The following CACNG7 variants were observed in gnomAD, a reference collection of about 807,000 sequenced individuals.
CACNG7 encodes voltage-dependent calcium channel gamma-7 subunit.
Under a neutral mutation model 26.3 loss-of-function variants are expected in CACNG7, and 9 were observed. The ratio of observed to expected loss-of-function variants is 0.34; its 90% confidence interval spans 0.21 to 0.60. The LOEUF (loss-of-function observed/expected upper bound fraction) is 0.60, where lower values mean the gene tolerates loss of function less well. CACNG7 is among the 20% of genes least tolerant of loss of function. The probability of loss-of-function intolerance (pLI) is 0.81; values close to 1 mark genes in which losing one functional copy is unlikely to be tolerated. For synonymous variants in CACNG7, 170 were observed against 157.0 expected, an observed-to-expected ratio of 1.08 and a Z score of -0.62; for missense variants, 297 against 380.4, an observed-to-expected ratio of 0.78 and a Z score of 1.82.
At chr19:53,934,360 C>T (rs977063752) in intron 4 of CACNG7, among the ~76,000 whole-genome samples, 6 of 152,202 alleles carry the variant, frequency 3.9e-5, no homozygotes, top group Admixed American at 6.5e-5. Context: ...CTTTGTATCA[C>T]GTTACTCCAG....
chr19:53,914,161 C>A (rs1219959384), intron 2 of CACNG7, among the ~76,000 whole-genome samples: 1 of 151,836 alleles, frequency 6.6e-6, no homozygotes, highest in Non-Finnish European at 1.5e-5. Flanking sequence ...GTAGTCCCAG[C>A]TACTCAGGAG....
intron 4 of CACNG7, among the ~76,000 whole-genome samples, chr19:53,917,286 T>C (rs1011933048): frequency 6.6e-6 from 1 of 152,178 alleles, no homozygotes; most frequent in African/African-American, 2.4e-5. Context: ...TTCAACATAA[T>C]TTAATTAAAC....
intron 4 of CACNG7, among the ~76,000 whole-genome samples, chr19:53,921,681 TG>T (rs2068955226): frequency 9.4e-6 from 1 of 106,442 alleles, no homozygotes; most frequent in South Asian, 3.0e-4. Context: ...TGGTCATTGG[TG>T]GACTTGCCCC....
intron 4 of CACNG7, among the ~76,000 whole-genome samples, chr19:53,921,260 C>T (rs1206058762): frequency 3.0e-5 from 4 of 135,212 alleles, no homozygotes; most frequent in Admixed American, 7.0e-5. Flanking sequence ...TGGAGTTGCC[C>T]CAGGTCTGGT....
intron 4 of CACNG7, among the ~76,000 whole-genome samples, chr19:53,930,243 C>T (rs1356630713): frequency 1.3e-5 from 2 of 150,574 alleles, no homozygotes; most frequent in African/African-American, 4.9e-5. Context: ...GAGTCTCACT[C>T]TGTCACCCAG....
intron 2 of CACNG7, among the ~76,000 whole-genome samples, chr19:53,914,273 C>CAAAAAAAAAAAAAAAAAAAAA (rs376053657): frequency 1.9e-5 from 2 of 107,292 alleles, no homozygotes; most frequent in Admixed American, 9.4e-5. Context: ...GACTCCATCT[C>CAAAAAAAAAAAAAAAAAAAAA]AAAAAAAAAA....
At position 53,921,606 on chromosome 19, in the gene CACNG7, T is replaced by G. The variant is rs192673989; in HGVS notation, c.424+6101T>G. ...CCAGGTCTGGTCATTGGTGGAGTCG[T>G]CCCCAGGTCTGGTCATTGGTGGAGT... On this transcript the variant is annotated intron_variant, in intron 4 of 5. Coordinates refer to ENST00000391767, the MANE Select transcript of CACNG7 (RefSeq NM_031896.5). Among the ~76,000 whole-genome samples, 215 of 67,450 alleles carry G rather than the reference T, an allele frequency of 3.2e-3. 3 individuals are homozygous for G. Among genetic ancestry groups the G allele is most frequent in the African/African-American group, 0.012 (86 of 7,432 alleles). The allele number at this position is 67,450 out of a possible 152,430, so 44.2% of individuals were successfully genotyped here. A position where few individuals can be genotyped will look rare whatever the true frequency, so the allele number is the denominator to read the frequency against.
intron 4 of CACNG7, among the ~76,000 whole-genome samples, chr19:53,926,517 G>C (rs1271128390): frequency 2.0e-5 from 3 of 151,936 alleles, no homozygotes; most frequent in African/African-American, 7.3e-5. Flanking sequence ...CCTTACCCTG[G>C]CGATACTATC....
chr19:53,922,449 C>T (rs1449422395), intron 4 of CACNG7, among the ~76,000 whole-genome samples: 6 of 122,542 alleles, frequency 4.9e-5, no homozygotes, highest in Non-Finnish European at 1.0e-4. Context: ...GTGGAGTTGT[C>T]CCAGGCTGGT....
chr19:53,929,601 C>T (rs956626867), intron 4 of CACNG7, among the ~76,000 whole-genome samples: 12 of 151,966 alleles, frequency 7.9e-5, no homozygotes, highest in African/African-American at 2.4e-4. Context: ...GGATTACAGG[C>T]GCCCGCCACC....
chr19:53,916,706 G>A (rs1183251566), intron 4 of CACNG7, among the ~76,000 whole-genome samples: 6 of 144,182 alleles, frequency 4.2e-5, no homozygotes, highest in East Asian at 4.1e-4. Context: ...CTTCATGTTC[G>A]TCAGGCTGGT....
chr19:53,924,342 G>T (rs1215992456), intron 4 of CACNG7, among the ~76,000 whole-genome samples: 1 of 147,150 alleles, frequency 6.8e-6, no homozygotes, highest in East Asian at 2.1e-4. Context: ...CTTGCCGCAG[G>T]TCTGGTCATT....
At chr19:53,919,956 G>A (rs1186704950) in intron 4 of CACNG7, among the ~76,000 whole-genome samples, 1 of 126,848 alleles carries the variant, frequency 7.9e-6, no homozygotes, top group East Asian at 2.5e-4. Flanking sequence ...AGTTGCCCCA[G>A]GTCTGGTCAT....
rs543979895 is a variant in CACNG7 at position 53,923,589 on chromosome 19, A to G, written c.424+8084A>G. ...TTGGTGGAGTTGTCCCAGGCTGGTC[A>G]TTGGTGGAGTTGCCCCAGGTCTGGT... is the stretch of plus-strand genomic sequence containing the variant. On this transcript the variant is annotated intron_variant, in intron 4 of 5. Transcript: ENST00000391767. Among the ~76,000 whole-genome samples the G allele has an allele frequency of 1.1e-3, 134 of 118,104 alleles. 1 individual carries two copies. The highest frequency in any genetic ancestry group is 4.3e-3 in the African/African-American group (131 of 30,620). The allele number at this position is 118,104 out of a possible 152,430, so 77.5% of individuals were successfully genotyped here.
In CACNG7 at chr19:53,912,702, G is replaced by C; in HGVS notation, c.-29-101G>C. 1 of 896,734 alleles carries C rather than the reference G, an allele frequency of 1.1e-6. No homozygotes were observed. The highest frequency in any genetic ancestry group is 1.8e-6 in the Non-Finnish European group (1 of 569,046). 55.5% of individuals were successfully genotyped at this position (896,734 alleles called of 1,614,324 possible). On this transcript the variant is annotated intron_variant, in intron 1 of 5. Transcript: ENST00000391767. The surrounding 1 kb of genome is among the most constrained non-coding windows in gnomAD (Gnocchi z 4.6). ...TCAGATCTGAGATTTCGATTTGGGA[G>C]TCAGTGTCTCTGGCTAGGGCCCAGC...
intron 4 of CACNG7, among the ~76,000 whole-genome samples, chr19:53,915,887 G>A (rs1599967157): frequency 6.6e-6 from 1 of 152,170 alleles, no homozygotes; most frequent in South Asian, 2.1e-4. Flanking sequence ...CACGCAATTC[G>A]CCTCCGGAGG....
intron 4 of CACNG7, among the ~76,000 whole-genome samples, chr19:53,920,815 G>T (rs1273583595): frequency 7.3e-5 from 7 of 95,590 alleles, no homozygotes. Context: ...CCCCAGGCTG[G>T]TCATTGGTGG....
rs781125638 is a variant in CACNG7 at position 53,912,911 on chromosome 19, C to A, written c.80C>A (p.Ala27Glu). The A allele has an allele frequency of 2.5e-6, 4 of 1,614,078 alleles. No individual in the cohort carries two copies. The highest frequency in any genetic ancestry group is 3.4e-6 in the Non-Finnish European group (4 of 1,180,036). ...GACGLLLVGI[A>E]VSTDYWLYME... ...TGTGGCCTGCTCCTGGTAGGCATCG[C>A]GGTCAGCACTGACTACTGGCTGTAC... is the stretch of plus-strand genomic sequence containing the variant. Residue 27 changes from alanine (A) to glutamate (E), a missense_variant, in exon 2 of 6, where the codon GCG (alanine) becomes GAG (glutamate). Physicochemically the swap from Ala to Glu is moderately radical, Grantham distance 107. Coordinates refer to ENST00000391767, the MANE Select transcript of CACNG7 (RefSeq NM_031896.5). This position sits in a 1 kb window ranked among gnomAD's most constrained non-coding sequence, Gnocchi z 4.6.
At chr19:53,916,866 C>T (rs536767836) in intron 4 of CACNG7, among the ~76,000 whole-genome samples, 5 of 149,306 alleles carry the variant, frequency 3.3e-5, no homozygotes, top group East Asian at 4.0e-4. Flanking sequence ...GGCGTGATCT[C>T]GGCCCATTGC....
Sources: gnomAD v4.1 joint callset for allele counts (sites outside exome capture counted in the v4.1 genomes callset) on GRCh38, gnomAD v4.1.1 for gene constraint, Gnocchi (gnomAD v3.1) non-coding constraint, MANE v1.5 for transcripts, NCBI Gene and HGNC (gene_info 2026-07-23, HGNC 2026-07-21) for gene names.